The following PEAK1 variants were observed in gnomAD, a reference collection of about 807,000 sequenced individuals.
PEAK1 encodes the protein inactive tyrosine-protein kinase PEAK1.
A neutral mutation model predicts 124.7 loss-of-function variants in PEAK1; 54 were observed. The observed-to-expected ratio is 0.43, with a 90% CI of 0.35 to 0.54. The LOEUF is 0.54. Among genes scored for constraint, PEAK1 ranks in the 20% least tolerant of loss-of-function variants. The probability of loss-of-function intolerance (pLI) is 0.01; values close to 1 mark genes in which losing one functional copy is unlikely to be tolerated. For missense variants in PEAK1, 2,046 were observed against 2,134.5 expected (o/e 0.96, Z 0.82); for synonymous variants, 719 against 760.0 (o/e 0.95, Z 0.89).
intron 2 of PEAK1, chr15:77,346,706 G>C (rs1439285491): frequency 1.0e-6 from 1 of 983,638 alleles, no homozygotes. Flanking sequence ...CTACCAAAAG[G>C]AAAATGAAAA....
At chr15:77,205,211 C>T in intron 6 of PEAK1, 1 of 217,916 alleles carries the variant, frequency 4.6e-6, no homozygotes, top group South Asian at 6.8e-5. Context: ...GCTCTAGACA[C>T]ATTTTCAAGA....
At chr15:77,162,813 GTAAAAAAATTATT>G (rs2055776116) in intron 7 of PEAK1, among the ~76,000 whole-genome samples, 1 of 152,074 alleles carries the variant, frequency 6.6e-6, no homozygotes, top group African/African-American at 2.4e-5. Context: ...GAGACAGATG[GTAAAAAAATTATT>G]TAGAGTGAAA....
At chr15:77,399,602 C>T (rs2071185144) in intron 1 of PEAK1, among the ~76,000 whole-genome samples, 1 of 152,104 alleles carries the variant, frequency 6.6e-6, no homozygotes, top group African/African-American at 2.4e-5. Flanking sequence ...GGGAGACTGG[C>T]TATCCATAGG....
intron 1 of PEAK1, chr15:77,381,158 G>A: frequency 1.1e-6 from 1 of 924,066 alleles, no homozygotes; most frequent in Non-Finnish European, 1.3e-6. Flanking sequence ...TAAAAATCAT[G>A]TTTTAAGATT....
chr15:77,330,817 G>A (rs936864304), intron 2 of PEAK1: 1 of 157,242 alleles, frequency 6.4e-6, no homozygotes, highest in Non-Finnish European at 1.4e-5. Flanking sequence ...ATCACCAACT[G>A]ACAAATTATT....
chr15:77,400,036 A>G (rs2071222946), intron 1 of PEAK1, among the ~76,000 whole-genome samples: 1 of 152,190 alleles, frequency 6.6e-6, no homozygotes, highest in East Asian at 1.9e-4. Flanking sequence ...AAAGACATGC[A>G]AATGGCAAAT....
rs2067367967 is a variant in PEAK1 at position 77,354,237 on chromosome 15, A to T, written c.-603+10926T>A. Among the ~76,000 whole-genome samples, 3 of 152,326 alleles carry T rather than the reference A, an allele frequency of 2.0e-5. No individual in the cohort carries two copies. The South Asian group carries it at 6.2e-4, about 32-fold the overall frequency. On this transcript the variant is annotated intron_variant, in intron 2 of 9. Transcript: ENST00000682557. ...TATACCTGAATACACACTGGAAAGG[A>T]AACAAATAGTGCCACACCCATTAAA... is the stretch of plus-strand genomic sequence containing the variant.
chr15:77,224,196 A>G (rs1472695979), intron 6 of PEAK1, among the ~76,000 whole-genome samples: 1 of 151,784 alleles, frequency 6.6e-6, no homozygotes, highest in African/African-American at 2.4e-5. Flanking sequence ...AAAGACTGAG[A>G]TATTTTCTGG....
In PEAK1 at chr15:77,181,091, G is replaced by A. The variant is rs756453664; in HGVS notation, c.836C>T (p.Thr279Ile). Residue 279 changes from threonine to isoleucine, a missense_variant, in exon 7 of 10, where the codon ACA becomes ATA. By Grantham distance (89) the Thr-to-Ile change is moderately conservative. Coordinates refer to ENST00000682557, the MANE Select transcript of PEAK1 (RefSeq NM_001385026.1). ...CACAAAGAATCGAACAGGAGACAAT[G>A]TGTTTGCTCTGAAGTTGGCAAAGCG... is the stretch of plus-strand genomic sequence containing the variant. ...QPRFANFRAN[T>I]LSPVRFFVDK... The A allele has an allele frequency of 6.2e-7, 1 of 1,614,184 alleles. No individual in the cohort carries two copies. The highest frequency in any genetic ancestry group is 1.1e-5 in the South Asian group (1 of 91,084).
At chr15:77,315,360 C>T (rs1456328601) in intron 2 of PEAK1, among the ~76,000 whole-genome samples, 3 of 152,092 alleles carry the variant, frequency 2.0e-5, no homozygotes, top group Admixed American at 6.5e-5. Flanking sequence ...GTCATACATA[C>T]CTTACTAAAC....
intron 6 of PEAK1, among the ~76,000 whole-genome samples, chr15:77,236,555 T>C (rs970807190): frequency 2.0e-5 from 3 of 152,198 alleles, no homozygotes; most frequent in Non-Finnish European, 4.4e-5. Context: ...CATAGGTGGA[T>C]GGAACTTGCC....
At chr15:77,408,421 T>C (rs886212370) in intron 1 of PEAK1, among the ~76,000 whole-genome samples, 2 of 151,454 alleles carry the variant, frequency 1.3e-5, no homozygotes, top group Non-Finnish European at 2.9e-5. Flanking sequence ...GGGGTACACA[T>C]GGGGTACAGC....
chr15:77,260,614 T>C (rs941443500), intron 5 of PEAK1, among the ~76,000 whole-genome samples: 7 of 151,878 alleles, frequency 4.6e-5, no homozygotes, highest in Admixed American at 4.6e-4. Context: ...TAGAGACAAA[T>C]GAATATTTCA....
intron 5 of PEAK1, among the ~76,000 whole-genome samples, chr15:77,275,941 C>T (rs1185328336): frequency 6.6e-6 from 1 of 151,566 alleles, no homozygotes; most frequent in Non-Finnish European, 1.5e-5. Context: ...AATTACAAAA[C>T]CAAAATTACG....
chr15:77,358,738 T>C (rs1225333347), intron 2 of PEAK1, among the ~76,000 whole-genome samples: 1 of 152,186 alleles, frequency 6.6e-6, no homozygotes, highest in South Asian at 2.1e-4. Flanking sequence ...CAACTTTATA[T>C]GGGGAAGCGA....
At chr15:77,341,625 A>G (rs2066541074) in intron 2 of PEAK1, among the ~76,000 whole-genome samples, 1 of 152,164 alleles carries the variant, frequency 6.6e-6, no homozygotes, top group Admixed American at 6.5e-5. Context: ...TACTCCCACC[A>G]GGTCAGGCTG....
chr15:77,197,529 T>C (rs2058166701), intron 6 of PEAK1, among the ~76,000 whole-genome samples: 1 of 152,194 alleles, frequency 6.6e-6, no homozygotes, highest in Admixed American at 6.5e-5. Flanking sequence ...ATTTCTGTTA[T>C]TTTTAAATTT....
intron 5 of PEAK1, among the ~76,000 whole-genome samples, chr15:77,260,632 G>A (rs192761153): frequency 6.6e-6 from 1 of 152,306 alleles, no homozygotes; most frequent in Admixed American, 6.5e-5. Context: ...TCACTAGACA[G>A]ATAAGCAGTA....
At chr15:77,193,161 T>A (rs1161915033) in intron 6 of PEAK1, among the ~76,000 whole-genome samples, 1 of 152,204 alleles carries the variant, frequency 6.6e-6, no homozygotes, top group Non-Finnish European at 1.5e-5. Context: ...AGATCTTTAA[T>A]AACCTGAAAC....
Sources: gnomAD v4.1 joint callset for allele counts (sites outside exome capture counted in the v4.1 genomes callset) on GRCh38, gnomAD v4.1.1 for gene constraint, MANE v1.5 for transcripts, NCBI Gene and HGNC (gene_info 2026-07-23, HGNC 2026-07-21) for gene names.